KIAA1549L: variants seen among roughly 807,000 people sequenced by gnomAD.
KIAA1549L encodes KIAA1549 like.
A neutral mutation model predicts 160.7 loss-of-function variants in KIAA1549L; 88 were observed. The observed-to-expected ratio is 0.55, with a 90% CI of 0.46 to 0.65. The LOEUF (loss-of-function observed/expected upper bound fraction) is 0.65, where lower values mean the gene tolerates loss of function less well. KIAA1549L is among the 30% of genes least tolerant of loss of function. The pLI, the probability that KIAA1549L is intolerant of heterozygous loss-of-function variation, is 0.00. For synonymous variants in KIAA1549L, 950 were observed against 976.7 expected (o/e 0.97, Z 0.51); for missense variants, 2,258 against 2,437.5 (o/e 0.93, Z 1.55).
At chr11:33,377,738 C>G (rs2078507890) in intron 1 of KIAA1549L, among the ~76,000 whole-genome samples, 1 of 152,170 alleles carries the variant, frequency 6.6e-6, no homozygotes. Context: ...TAATGTGTTC[C>G]TGTAGTTTTG....
chr11:33,530,165 C>T (rs1038268860), intron 1 of KIAA1549L, among the ~76,000 whole-genome samples: 12 of 150,104 alleles, frequency 8.0e-5, no homozygotes, highest in Admixed American at 1.3e-4. Context: ...GAGGCTGAGG[C>T]GGGTGGATCA....
Position 33,562,965 on chromosome 11 carries a change from G to A in KIAA1549L, c.4078+1230G>A, listed in dbSNP as rs184814063. Reference sequence around the variant, plus strand: ...CAAAGTACTGGGATTACAGGTGTGAGCCGCTGTGCCTGGCCTAACTTCATT... The same window carrying A: ...CAAAGTACTGGGATTACAGGTGTGAACCGCTGTGCCTGGCCTAACTTCATT... On this transcript the variant is annotated intron_variant, in intron 8 of 20. Transcript: ENST00000658780. 2.0e-5 allele frequency among the ~76,000 whole-genome samples: 3 copies of A among 152,110 alleles called. No homozygotes were observed. The East Asian group carries it at 5.9e-4, about 30-fold the overall frequency.
intron 1 of KIAA1549L, among the ~76,000 whole-genome samples, chr11:33,471,740 C>A (rs932684256): frequency 6.6e-6 from 1 of 152,200 alleles, no homozygotes; most frequent in African/African-American, 2.4e-5. Flanking sequence ...TGACTCACAG[C>A]AAAATCTGTT....
At chr11:33,572,985 G>T (rs1487096850) in intron 9 of KIAA1549L, among the ~76,000 whole-genome samples, 2 of 152,210 alleles carry the variant, frequency 1.3e-5, no homozygotes, top group African/African-American at 4.8e-5. Context: ...CTTTAGCCGT[G>T]CTGGTGGGTA....
chr11:33,401,524 C>T (rs1590220226), intron 1 of KIAA1549L, among the ~76,000 whole-genome samples: 1 of 151,768 alleles, frequency 6.6e-6, no homozygotes, highest in Non-Finnish European at 1.5e-5. Flanking sequence ...ACCTTTTTCA[C>T]CTGTTCACTC....
At chr11:33,631,188 C>CCCATAG (rs1194613133) in intron 16 of KIAA1549L, among the ~76,000 whole-genome samples, 3 of 151,458 alleles carry the variant, frequency 2.0e-5, no homozygotes, top group African/African-American at 7.4e-5. Context: ...CCAGGAGCTC[C>CCCATAG]CCATAGCTTT....
intron 6 of KIAA1549L, among the ~76,000 whole-genome samples, chr11:33,555,083 A>G (rs1475238554): frequency 6.6e-6 from 1 of 152,182 alleles, no homozygotes; most frequent in Non-Finnish European, 1.5e-5. Context: ...TTAAGTATAC[A>G]TCAAGAATGA....
chr11:33,404,744 T>C (rs564597369), intron 1 of KIAA1549L, among the ~76,000 whole-genome samples: 4 of 152,228 alleles, frequency 2.6e-5, no homozygotes, highest in Admixed American at 1.3e-4. Flanking sequence ...GCACAGTGGC[T>C]CACGCCTGTA....
chr11:33,415,636 C>T (rs770041248), intron 1 of KIAA1549L, among the ~76,000 whole-genome samples: 2 of 152,094 alleles, frequency 1.3e-5, no homozygotes, highest in Non-Finnish European at 2.9e-5. Context: ...TTGGTCTGTA[C>T]TGCGCAGGTG....
At chr11:33,447,066 G>C (rs1212014730) in intron 1 of KIAA1549L, among the ~76,000 whole-genome samples, 4 of 152,192 alleles carry the variant, frequency 2.6e-5, no homozygotes, top group African/African-American at 9.7e-5. Flanking sequence ...TTACCACAGG[G>C]ATCTTCTTGT....
At chr11:33,384,067 C>G (rs1469652022) in intron 1 of KIAA1549L, among the ~76,000 whole-genome samples, 3 of 152,142 alleles carry the variant, frequency 2.0e-5, no homozygotes, top group Non-Finnish European at 4.4e-5. Flanking sequence ...CGTCCACCAC[C>G]ACAATCCAGA....
intron 1 of KIAA1549L, among the ~76,000 whole-genome samples, chr11:33,499,908 A>AT (rs938546140): frequency 6.6e-6 from 1 of 152,126 alleles, no homozygotes; most frequent in Non-Finnish European, 1.5e-5. Flanking sequence ...GATGTATCTG[A>AT]TTTTTTTGGT....
At chr11:33,461,318 T>TA (rs1418227580) in intron 1 of KIAA1549L, among the ~76,000 whole-genome samples, 1 of 152,202 alleles carries the variant, frequency 6.6e-6, no homozygotes, top group African/African-American at 2.4e-5. Flanking sequence ...TCTCAGCTGT[T>TA]ACAGCAGCAC....
At chr11:33,577,135 G>A (rs1013455443) in intron 10 of KIAA1549L, among the ~76,000 whole-genome samples, 4 of 152,158 alleles carry the variant, frequency 2.6e-5, no homozygotes, top group South Asian at 2.1e-4. Context: ...CAGATCTCAC[G>A]GGAGGGAGAG....
intron 17 of KIAA1549L, 39 bp downstream of exon 17, chr11:33,646,075 A>C (rs1851716316): frequency 4.1e-6 from 6 of 1,463,538 alleles, no homozygotes; most frequent in Non-Finnish European, 5.6e-6. Flanking sequence ...TCATCTGGTC[A>C]GTCTGCCCAG....
At chr11:33,443,649 T>A (rs1464389304) in intron 1 of KIAA1549L, among the ~76,000 whole-genome samples, 1 of 152,176 alleles carries the variant, frequency 6.6e-6, no homozygotes, top group African/African-American at 2.4e-5. Flanking sequence ...AGTTTTCTCC[T>A]TTTTGGTGCC....
chr11:33,600,668 C>G (rs950368605), intron 13 of KIAA1549L, among the ~76,000 whole-genome samples: 2 of 152,014 alleles, frequency 1.3e-5, no homozygotes, highest in Non-Finnish European at 1.5e-5. Flanking sequence ...CCTCAGAGGA[C>G]CCCGAATAAC....
At chr11:33,516,538 T>C (rs1031876723) in intron 1 of KIAA1549L, among the ~76,000 whole-genome samples, 1 of 152,220 alleles carries the variant, frequency 6.6e-6, no homozygotes, top group Non-Finnish European at 1.5e-5. Flanking sequence ...AGCAAGAAGT[T>C]GAGGCCCAGA....
chr11:33,458,518 C>T (rs1427096600), intron 1 of KIAA1549L, among the ~76,000 whole-genome samples: 4 of 152,164 alleles, frequency 2.6e-5, no homozygotes, highest in South Asian at 4.1e-4. Flanking sequence ...CAATGATGGG[C>T]AGGCTCAGCT....
Sources: allele counts gnomAD v4.1 joint callset (sites outside exome capture counted in the v4.1 genomes callset), GRCh38; gene constraint gnomAD v4.1.1; transcripts MANE v1.5; gene names NCBI Gene and HGNC (gene_info 2026-07-23, HGNC 2026-07-21).